The following MYH14 variants were observed in gnomAD, a reference collection of about 807,000 sequenced individuals.
MYH14 encodes the protein myosin heavy chain 14.
MYH14 carries 123 observed loss-of-function variants against 255.5 expected under a neutral mutation model. The ratio of observed to expected loss-of-function variants is 0.48; its 90% CI spans 0.42 to 0.56. The LOEUF is 0.56. Ranked by LOEUF, MYH14 falls within the 20% of genes least tolerant of loss-of-function variation. MYH14 has a pLI of 0.00. For synonymous variants in MYH14, 1,095 were observed against 1,161.2 expected (o/e 0.94, Z 1.16); for missense variants, 2,423 against 2,802.3 (o/e 0.86, Z 3.06).
chr19:50,247,446 G>T (rs2034174824), intron 12 of MYH14, among the ~76,000 whole-genome samples: 1 of 152,056 alleles, frequency 6.6e-6, no homozygotes, highest in South Asian at 2.1e-4. Flanking sequence ...TGAGGCTGCA[G>T]CGAGCTGTAA....
chr19:50,237,093 GT>G (rs1357186610), intron 10 of MYH14, among the ~76,000 whole-genome samples: 1 of 152,148 alleles, frequency 6.6e-6, no homozygotes, highest in South Asian at 2.1e-4. Flanking sequence ...TCATTTTCAA[GT>G]TTCATCCACA....
chr19:50,252,564 TGGAAGGCTCCTTA>T lies in MYH14; in HGVS notation c.1831-70_1831-58del. 9.5e-7 allele frequency: 1 copy of T among 1,048,484 alleles called. No individual in the cohort carries two copies. The highest frequency in any genetic ancestry group is 1.4e-6 in the Non-Finnish European group (1 of 690,570). The allele number at this position is 1,048,484 out of a possible 1,614,324, so 64.9% of individuals were successfully genotyped here. On this transcript the variant is annotated intron_variant, in intron 15 of 42. Coordinates refer to ENST00000642316, the MANE Select transcript of MYH14 (RefSeq NM_001145809.2). This position sits in a 1 kb window ranked among gnomAD's most constrained non-coding sequence, Gnocchi z 4.2. ...CCAGACCTGGGAGTCTCAGAGCTTC[TGGAAGGCTCCTTA>T]GGAAATCCAGAGAATGTCTGAGCCT...
At chr19:50,255,372 C>G (rs1600952094) in intron 17 of MYH14, 54 bp downstream of exon 17, 1 of 1,384,166 alleles carries the variant, frequency 7.2e-7, no homozygotes, top group East Asian at 2.5e-5. Context: ...GAGGGTGGAC[C>G]TGTTGGGCTG....
intron 5 of MYH14, among the ~76,000 whole-genome samples, 181 bp downstream of exon 5, chr19:50,223,530 G>T (rs1568473061): frequency 6.6e-6 from 1 of 152,208 alleles, no homozygotes; most frequent in Admixed American, 6.5e-5. Context: ...GGACACAGAG[G>T]TGTGAGGGTC....
intron 15 of MYH14, among the ~76,000 whole-genome samples, chr19:50,251,388 G>A (rs1041750403): frequency 1.3e-5 from 2 of 151,906 alleles, no homozygotes; most frequent in Non-Finnish European, 1.5e-5. Flanking sequence ...AAACAGTTTC[G>A]AGGGCTCTCT....
intron 39 of MYH14, among the ~76,000 whole-genome samples, chr19:50,298,718 TC>T (rs1405739807): frequency 6.8e-6 from 1 of 146,310 alleles, no homozygotes; most frequent in South Asian, 2.1e-4. Flanking sequence ...GCCACTGCAC[TC>T]CAGCCTAGGC....
chr19:50,206,189 C>A (rs113089017), intron 1 of MYH14, among the ~76,000 whole-genome samples: 2 of 150,538 alleles, frequency 1.3e-5, no homozygotes, highest in Non-Finnish European at 3.0e-5. Flanking sequence ...GGTGAGGGGG[C>A]CTGCACTTCC....
Position 50,252,570 on chromosome 19 carries a change from G to C in MYH14, c.1831-69G>C, listed in dbSNP as rs994461728. ...CTGGGAGTCTCAGAGCTTCTGGAAG[G>C]CTCCTTAGGAAATCCAGAGAATGTC... is the stretch of plus-strand genomic sequence containing the variant. On this transcript the variant is annotated intron_variant, in intron 15 of 42. Transcript: ENST00000642316. This position sits in a 1 kb window ranked among gnomAD's most constrained non-coding sequence, Gnocchi z 4.2. 1.8e-6 allele frequency: 2 copies of C among 1,088,820 alleles called. No individual in the cohort carries two copies. Among genetic ancestry groups the C allele is most frequent in the Middle Eastern group, 2.0e-4 (1 of 5,088 alleles). The allele number at this position is 1,088,820 out of a possible 1,614,324, so 67.4% of individuals were successfully genotyped here. A position where few individuals can be genotyped will look rare whatever the true frequency, so the allele number is the denominator to read the frequency against.
chr19:50,208,787 T>C (rs1374204175), intron 1 of MYH14, among the ~76,000 whole-genome samples: 3 of 152,188 alleles, frequency 2.0e-5, no homozygotes, highest in African/African-American at 7.2e-5. Flanking sequence ...CAGCAAACTA[T>C]CTTTTTGTTG....
intron 23 of MYH14, among the ~76,000 whole-genome samples, chr19:50,267,355 G>A (rs1197075437): frequency 6.6e-6 from 1 of 151,996 alleles, no homozygotes; most frequent in Non-Finnish European, 1.5e-5. Context: ...TGCAGGTGGC[G>A]AACTTATAAC....
intron 12 of MYH14, 113 bp from the exon 13 acceptor site, chr19:50,248,874 C>T: frequency 9.5e-7 from 1 of 1,054,106 alleles, no homozygotes; most frequent in Non-Finnish European, 1.4e-6. Flanking sequence ...ACTCAAGGAG[C>T]TGGGAGGCGA....
rs374829371 is a variant in MYH14 at position 50,280,161 on chromosome 19, G to A, written c.4137+20G>A. The A allele has an allele frequency of 1.4e-5, 22 of 1,575,456 alleles. No homozygotes were observed. The highest frequency in any genetic ancestry group is 9.5e-5 in the African/African-American group (7 of 73,996). On this transcript the variant is annotated intron_variant, in intron 31 of 42. Coordinates refer to ENST00000642316, the MANE Select transcript of MYH14 (RefSeq NM_001145809.2). The surrounding 1 kb of genome is among the most constrained non-coding windows in gnomAD (Gnocchi z 4.8). ...GCCCAGGTGACCCTGCCTGCCCTTC[G>A]GCTCCACCGTCACCCTCCCCTCCTT...
In MYH14 at chr19:50,301,711, G is replaced by C. The variant is rs1258635913; in HGVS notation, c.5520G>C (p.Lys1840Asn). 1 of 1,613,792 alleles carries C rather than the reference G, an allele frequency of 6.2e-7. No homozygotes were observed. The highest frequency in any genetic ancestry group is 8.5e-7 in the Non-Finnish European group (1 of 1,179,826). ...CAGCTGAGCGCAGTTTCTCAGCCAA[G>C]GCAGAGAGCGGGCGGCAGCAGCTGG... ...ELSAERSFSAKAESGRQQLER... is the reference protein window; with the variant it reads ...ELSAERSFSANAESGRQQLER... The change falls in exon 40 of 43, where the codon AAG (lysine) becomes AAC (asparagine). Residue 1840 changes from lysine to asparagine, a missense_variant. By Grantham distance (94) the Lys-to-Asn change is moderately conservative. Around this residue, in one of 3 missense-constraint regions of MYH14, gnomAD observed 1,513 missense variants for 1,674.8 expected, o/e 0.90. Transcript: ENST00000642316.
At chr19:50,260,552 T>C (rs1303081264) in intron 19 of MYH14, 94 bp from the exon 20 acceptor site, 1 of 780,642 alleles carries the variant, frequency 1.3e-6, no homozygotes, top group East Asian at 2.7e-5. Flanking sequence ...GTTCCTGCTG[T>C]GTGTCACTCT....
At position 50,227,001 on chromosome 19, in the gene MYH14, G is replaced by A. The variant is rs757046377; in HGVS notation, c.874+35G>A. 4.3e-5 allele frequency: 69 copies of A among 1,607,934 alleles called. No individual in the cohort carries two copies. The East Asian group carries it at 1.5e-3, about 35-fold the overall frequency. On this transcript the variant is annotated intron_variant, in intron 8 of 42. Transcript: ENST00000642316. ...CACAGCCCATGGGGGTGGCAGCCAA[G>A]GGGGGCAGCCTTTCAGACAGCACTG...
chr19:50,309,321 G>A (rs2036765110), intron 42 of MYH14, 144 bp downstream of exon 42: 2 of 810,760 alleles, frequency 2.5e-6, no homozygotes, highest in East Asian at 5.1e-5. Flanking sequence ...CGGCTGTGTT[G>A]CGGGAGAGCC....
At chr19:50,262,333 G>A (rs999907582) in intron 21 of MYH14, among the ~76,000 whole-genome samples, 28 of 152,148 alleles carry the variant, frequency 1.8e-4, no homozygotes, top group East Asian at 7.7e-4. Context: ...CAAGGCGGGC[G>A]GATCACTTGA....
intron 23 of MYH14, among the ~76,000 whole-genome samples, chr19:50,267,339 A>G (rs1193960474): frequency 6.6e-6 from 1 of 152,060 alleles, no homozygotes; most frequent in Non-Finnish European, 1.5e-5. Flanking sequence ...TGGCCGGGCT[A>G]TGGTATGCAG....
chr19:50,248,644 AAAT>A lies in MYH14; in HGVS notation c.1330-342_1330-340del, dbSNP rs71868084. ...ACAGAGAGGTTTATTCACATGCCTG[AAAT>A]CACACAGCCCCTAAGTGGCAGAGCT... On this transcript the variant is annotated intron_variant, in intron 12 of 42. Coordinates refer to ENST00000642316, the MANE Select transcript of MYH14 (RefSeq NM_001145809.2). 8.0e-3 allele frequency among the ~76,000 whole-genome samples: 1,218 copies of A among 152,328 alleles called. 12 individuals are homozygous for A. The highest frequency in any genetic ancestry group is 0.027 in the African/African-American group (1,109 of 41,568).
Sources: gnomAD v4.1 joint callset for allele counts (sites outside exome capture counted in the v4.1 genomes callset) on GRCh38, gnomAD v4.1.1 for gene constraint, gnomAD v4.1.1 regional missense constraint, Gnocchi (gnomAD v3.1) non-coding constraint, MANE v1.5 for transcripts, NCBI Gene and HGNC (gene_info 2026-07-23, HGNC 2026-07-21) for gene names.